ARHGAP21: variants seen among roughly 807,000 people sequenced by gnomAD.
ARHGAP21 encodes Rho GTPase activating protein 21.
ARHGAP21 carries 38 observed loss-of-function variants against 164.6 expected under a neutral mutation model. The observed-to-expected ratio is 0.23, with a 90% CI of 0.18 to 0.30. ARHGAP21 has a LOEUF of 0.30. ARHGAP21 is among the 10% of genes least tolerant of loss of function. The probability of loss-of-function intolerance (pLI) is 1.00; values close to 1 mark genes in which losing one functional copy is unlikely to be tolerated. For missense variants in ARHGAP21, 1,822 were observed against 2,370.7 expected, an observed-to-expected ratio of 0.77 and a Z score of 4.81; for synonymous variants, 766 against 857.9, an observed-to-expected ratio of 0.89 and a Z score of 1.87.
Position 24,622,641 on chromosome 10 carries a change from A to C in ARHGAP21, c.525+92T>G, listed in dbSNP as rs990845807. The C allele has an allele frequency of 1.4e-5, 19 of 1,360,212 alleles. No homozygotes were observed. In the African/African-American group the frequency reaches 2.5e-4, roughly 18 times the overall value. 84.3% of individuals were successfully genotyped at this position (1,360,212 alleles called of 1,614,324 possible). ...ACACGATAGAGGGATTTCTCTAAGC[A>C]AAAGTGAACAGTTTTTAATAGATTG... On this transcript the variant is annotated intron_variant, in intron 8 of 25. Coordinates refer to ENST00000396432, the MANE Select transcript of ARHGAP21 (RefSeq NM_020824.4).
chr10:24,665,434 A>T (rs2131720135), intron 4 of ARHGAP21, among the ~76,000 whole-genome samples: 1 of 152,342 alleles, frequency 6.6e-6, no homozygotes, highest in South Asian at 2.1e-4. Context: ...ATACAAACGA[A>T]AAAACAGTAG....
chr10:24,592,156 A>ATTTTTTTTTTTTTTT, intron 21 of ARHGAP21, 144 bp from the exon 22 acceptor site: 1 of 205,774 alleles, frequency 4.9e-6, no homozygotes. Context: ...TTCTAGCAAG[A>ATTTTTTTTTTTTTTT]TTTTTTTTTT....
Position 24,595,741 on chromosome 10 carries a change from G to A in ARHGAP21, c.3688C>T (p.Leu1230Phe). 1 of 1,613,462 alleles carries A rather than the reference G, an allele frequency of 6.2e-7. No homozygotes were observed. The highest frequency in any genetic ancestry group is 8.5e-7 in the Non-Finnish European group (1 of 1,179,716). ...CCATTTGTGAAGAGAGGCTCAGGGA[G>A]TTTTCTGAAGAAGGATTTTAGTAAA... ...SSLLKSFFRK[L>F]PEPLFTNDKY... Residue 1230 changes from leucine (L) to phenylalanine (F), a missense_variant, in exon 19 of 26, where the codon CTC (leucine) becomes TTC (phenylalanine). Leu to Phe is a conservative substitution (Grantham distance 22). Transcript: ENST00000396432.
At chr10:24,657,934 G>C (rs995177229) in intron 4 of ARHGAP21, among the ~76,000 whole-genome samples, 6 of 136,704 alleles carry the variant, frequency 4.4e-5, no homozygotes, top group African/African-American at 1.4e-4. Flanking sequence ...AGGGTCCTCT[G>C]CCTAGGAAAA....
intron 6 of ARHGAP21, 34 bp from the exon 7 acceptor site, chr10:24,630,084 T>A: frequency 8.2e-7 from 1 of 1,220,400 alleles, no homozygotes; most frequent in African/African-American, 1.5e-5. Context: ...TTAGGAGAGG[T>A]AGAAGTGTAT....
At chr10:24,665,911 A>G (rs376973063) in intron 4 of ARHGAP21, among the ~76,000 whole-genome samples, 1 of 152,278 alleles carries the variant, frequency 6.6e-6, no homozygotes, top group Non-Finnish European at 1.5e-5. Flanking sequence ...GGAAGAGAAC[A>G]AGGATACTAG....
At chr10:24,702,666 AAC>A (rs1174278253) in intron 2 of ARHGAP21, among the ~76,000 whole-genome samples, 12 of 151,842 alleles carry the variant, frequency 7.9e-5, no homozygotes, top group African/African-American at 2.9e-4. Context: ...GGTTCACTGC[AAC>A]CTCCACTTCC....
intron 2 of ARHGAP21, among the ~76,000 whole-genome samples, chr10:24,679,281 T>C (rs1841551061): frequency 6.6e-6 from 1 of 152,176 alleles, no homozygotes; most frequent in Admixed American, 6.5e-5. Flanking sequence ...AGATTCAGTG[T>C]TTGGTGAAGG....
chr10:24,594,033 GATCT>G lies in ARHGAP21; in HGVS notation c.3876+913_3876+916del, dbSNP rs532248678. Among the ~76,000 whole-genome samples, 22 of 152,092 alleles carry G rather than the reference GATCT, an allele frequency of 1.4e-4. No individual in the cohort carries two copies. The East Asian group carries it at 2.1e-3, about 15-fold the overall frequency. On this transcript the variant is annotated intron_variant, in intron 21 of 25. Transcript: ENST00000396432. ...CCAGAACATGCACAGTCACTAAACTGATCTATCTTTCTTAAACTGATCTTTCTCT... is the reference window on the plus strand; with the variant it reads ...CCAGAACATGCACAGTCACTAAACTGATCTTTCTTAAACTGATCTTTCTCT...
chr10:24,637,574 A>G (rs1339976277), intron 4 of ARHGAP21, among the ~76,000 whole-genome samples: 1 of 152,242 alleles, frequency 6.6e-6, no homozygotes, highest in Non-Finnish European at 1.5e-5. Context: ...TGAATTCTAC[A>G]AAATAATAAA....
intron 2 of ARHGAP21, among the ~76,000 whole-genome samples, chr10:24,700,799 ACT>A (rs1361077929): frequency 6.6e-6 from 1 of 152,106 alleles, no homozygotes; most frequent in Non-Finnish European, 1.5e-5. Flanking sequence ...ATAACCTTTA[ACT>A]CTCTTTTGGC....
At chr10:24,646,574 T>C (rs894813571) in intron 4 of ARHGAP21, among the ~76,000 whole-genome samples, 1 of 152,006 alleles carries the variant, frequency 6.6e-6, no homozygotes, top group Non-Finnish European at 1.5e-5. Flanking sequence ...ATTGTACCAC[T>C]GCACTCCAGC....
In ARHGAP21 at chr10:24,589,173, A is replaced by G. The variant is rs141207469; in HGVS notation, c.4182+98T>C. 728 of 1,022,236 alleles carry G rather than the reference A, an allele frequency of 7.1e-4. 4 individuals are homozygous for G. In the African/African-American group the frequency reaches 1.0e-2, roughly 14 times the overall value. The allele number at this position is 1,022,236 out of a possible 1,614,324, so 63.3% of individuals were successfully genotyped here. ...TGATTATACTTTGTTGCTCTGTCTC[A>G]TTAGACATAGAGAGGAATGCATTTG... On this transcript the variant is annotated intron_variant, in intron 25 of 25. Coordinates refer to ENST00000396432, the MANE Select transcript of ARHGAP21 (RefSeq NM_020824.4).
intron 4 of ARHGAP21, among the ~76,000 whole-genome samples, chr10:24,648,274 C>A (rs1837783675): frequency 1.3e-5 from 2 of 152,204 alleles, no homozygotes; most frequent in South Asian, 4.1e-4. Context: ...ATAGCATGAA[C>A]AATCACTCAG....
intron 2 of ARHGAP21, among the ~76,000 whole-genome samples, chr10:24,674,499 C>T: frequency 6.6e-6 from 1 of 151,518 alleles, no homozygotes; most frequent in East Asian, 1.9e-4. Flanking sequence ...CCAGCCTGGG[C>T]AACAGAGCCA....
chr10:24,590,558 C>A, intron 24 of ARHGAP21: 1 of 1,493,456 alleles, frequency 6.7e-7, no homozygotes. Context: ...GAACTAGAGA[C>A]AAAGGGAGAA....
chr10:24,633,706 T>C (rs924212785), intron 5 of ARHGAP21, among the ~76,000 whole-genome samples: 1 of 152,156 alleles, frequency 6.6e-6, no homozygotes, highest in Non-Finnish European at 1.5e-5. Flanking sequence ...CATTTTAATA[T>C]ATCCAGCTTT....
intron 4 of ARHGAP21, among the ~76,000 whole-genome samples, chr10:24,645,603 T>G (rs965666574): frequency 1.4e-5 from 2 of 143,534 alleles, no homozygotes; most frequent in African/African-American, 2.6e-5. Context: ...AAAAAAAAAG[T>G]AGTTTCTAGT....
chr10:24,639,632 C>T (rs991454645), intron 4 of ARHGAP21, among the ~76,000 whole-genome samples: 10 of 151,656 alleles, frequency 6.6e-5, no homozygotes, highest in Admixed American at 2.0e-4. Context: ...GGAATACTGC[C>T]GGGGGAGGGG....
Sources: gnomAD v4.1 joint callset for allele counts (sites outside exome capture counted in the v4.1 genomes callset) on GRCh38, gnomAD v4.1.1 for gene constraint, MANE v1.5 for transcripts, NCBI Gene and HGNC (gene_info 2026-07-23, HGNC 2026-07-21) for gene names.